ADAT1: variants seen among roughly 807,000 people sequenced by gnomAD.
The protein encoded by ADAT1 is adenosine deaminase tRNA specific 1.
ADAT1 carries 58 observed loss-of-function variants against 58.6 expected under a neutral mutation model. The observed-to-expected ratio is 0.99, with a 90% CI of 0.80 to 1.23. The LOEUF is 1.23. ADAT1 is among the 50% of genes most tolerant of loss of function. The pLI is 0.00. For missense variants in ADAT1, 741 were observed against 608.6 expected (o/e 1.22, Z -2.29); for synonymous variants, 254 against 220.8 (o/e 1.15, Z -1.33).
intron 6 of ADAT1, among the ~76,000 whole-genome samples, chr16:75,611,477 C>T (rs1224905047): frequency 1.3e-5 from 2 of 152,058 alleles, no homozygotes; most frequent in Non-Finnish European, 2.9e-5. Flanking sequence ...CCTCAATCTT[C>T]CCAGGGTCAG....
In ADAT1 at chr16:75,598,842, T is replaced by C; in HGVS notation, c.*1374A>G. The C allele has an allele frequency of 1.0e-6, 1 of 956,542 alleles. No homozygotes were observed. The highest frequency in any genetic ancestry group is 1.2e-6 in the Non-Finnish European group (1 of 804,080). 59.3% of individuals were successfully genotyped at this position (956,542 alleles called of 1,614,324 possible). Reference sequence around the variant, plus strand: ...CCTAAAAACTTTTAAAATGTATACTTTAGTTGGGTGAATTTTATGGTCTGT... The same window carrying C: ...CCTAAAAACTTTTAAAATGTATACTCTAGTTGGGTGAATTTTATGGTCTGT... On this transcript the variant is annotated 3_prime_UTR_variant, in exon 10 of 10. Transcript: ENST00000564657.
rs527761579 is a variant in ADAT1, at chr16:75,608,157, C to A, written c.1289+67G>T. The A allele has an allele frequency of 1.4e-4, 189 of 1,375,504 alleles. 1 individual carries two copies. In the South Asian group the frequency reaches 2.1e-3, roughly 15 times the overall value. 85.2% of individuals were successfully genotyped at this position (1,375,504 alleles called of 1,614,324 possible). On this transcript the variant is annotated intron_variant, in intron 8 of 9. Transcript: ENST00000564657. ...TTCTTTTTGGGGTAATAAAAATGTT[C>A]TAGAATTAGATAGTGGTAGAGTGTG...
intron 5 of ADAT1, among the ~76,000 whole-genome samples, chr16:75,614,002 C>T (rs1297617620): frequency 1.1e-4 from 17 of 151,970 alleles, no homozygotes; most frequent in African/African-American, 3.9e-4. Context: ...CCAGCCTGGC[C>T]AATATGGTGA....
At position 75,596,985 on chromosome 16, in the gene ADAT1, G is replaced by C. The variant is rs1356779602; in HGVS notation, c.*3231C>G. 6.6e-6 allele frequency: 1 copy of C among 152,382 alleles called. No individual in the cohort carries two copies. The highest frequency in any genetic ancestry group is 1.5e-5 in the Non-Finnish European group (1 of 68,204). The allele number at this position is 152,382 out of a possible 1,614,324, so 9.4% of individuals were successfully genotyped here. On this transcript the variant is annotated 3_prime_UTR_variant, in exon 10 of 10. Coordinates refer to ENST00000564657, the MANE Select transcript of ADAT1 (RefSeq NM_001324445.2). ...AGTCACAAAAGACCACATATTCTAT[G>C]ATTCCATTTATATGAAATGTTCAGA...
At chr16:75,609,031 G>C in intron 6 of ADAT1, 43 bp from the exon 7 acceptor site, 1 of 1,610,298 alleles carries the variant, frequency 6.2e-7, no homozygotes, top group Non-Finnish European at 8.5e-7. Flanking sequence ...TGCATGCCTA[G>C]AGAAAACAGT....
chr16:75,621,136 C>G (rs1431747354), intron 1 of ADAT1, among the ~76,000 whole-genome samples: 1 of 151,972 alleles, frequency 6.6e-6, no homozygotes, highest in Non-Finnish European at 1.5e-5. Flanking sequence ...AATGTCCTCA[C>G]TACTCCAGTT....
intron 5 of ADAT1, among the ~76,000 whole-genome samples, chr16:75,615,498 A>T (rs1052422772): frequency 0.02 from 2,996 of 146,986 alleles, 189 homozygotes; most frequent in African/African-American, 0.062. Flanking sequence ...AAAAAAAAAA[A>T]AAAAAAAAAA....
intron 4 of ADAT1, among the ~76,000 whole-genome samples, chr16:75,618,335 T>A (rs371053802): frequency 1.3e-5 from 2 of 151,720 alleles, no homozygotes; most frequent in African/African-American, 4.8e-5. Flanking sequence ...TGAAACCCCA[T>A]CTCTACTAAA....
intron 5 of ADAT1, among the ~76,000 whole-genome samples, chr16:75,615,496 A>T (rs1350908196): frequency 0.023 from 2,803 of 121,996 alleles, 190 homozygotes; most frequent in African/African-American, 0.067. Context: ...AAAAAAAAAA[A>T]AAAAAAAAAA....
rs143809931 is a variant in ADAT1, at chr16:75,602,942, T to C, written c.1376+143A>G. ...ATGCACGTATCTGCAAATAGGGCTATGGGGAAAGAAGAACTTGTGGTCAAC... is the reference window on the plus strand; with the variant it reads ...ATGCACGTATCTGCAAATAGGGCTACGGGGAAAGAAGAACTTGTGGTCAAC... On this transcript the variant is annotated intron_variant, in intron 9 of 9. Transcript: ENST00000564657. 1.4e-3 allele frequency: 966 copies of C among 712,520 alleles called. 5 individuals carry two copies. Among genetic ancestry groups the C allele is most frequent in the African/African-American group, 0.013 (757 of 56,460 alleles). The allele number at this position is 712,520 out of a possible 1,614,324, so 44.1% of individuals were successfully genotyped here.
intron 8 of ADAT1, among the ~76,000 whole-genome samples, chr16:75,605,937 CAAA>C (rs972557653): frequency 2.7e-5 from 2 of 75,038 alleles, no homozygotes; most frequent in Non-Finnish European, 2.5e-5. Flanking sequence ...AACTCTGTCT[CAAA>C]AAAAAAAAAA....
At chr16:75,621,240 T>A (rs2081922665) in intron 1 of ADAT1, among the ~76,000 whole-genome samples, 1 of 128,608 alleles carries the variant, frequency 7.8e-6, no homozygotes, top group Admixed American at 1.0e-4. Flanking sequence ...GATGTTCTTA[T>A]CTGTCTTCTT....
rs572681882 is a variant in ADAT1, at chr16:75,609,090, G to A, written c.1044-102C>T. Reference sequence around the variant, plus strand: ...TCACCCCTGAGCCTTAGCAGGTGTGGGGATTTGTTTATTTATTTGGGCAGA... The same window carrying A: ...TCACCCCTGAGCCTTAGCAGGTGTGAGGATTTGTTTATTTATTTGGGCAGA... On this transcript the variant is annotated intron_variant, in intron 6 of 9. Coordinates refer to ENST00000564657, the MANE Select transcript of ADAT1 (RefSeq NM_001324445.2). 5.8e-4 allele frequency: 799 copies of A among 1,371,040 alleles called. 3 individuals carry two copies. Among genetic ancestry groups the A allele is most frequent in the Non-Finnish European group, 7.0e-4 (692 of 994,818 alleles). 84.9% of individuals were successfully genotyped at this position (1,371,040 alleles called of 1,614,324 possible). A position where few individuals can be genotyped will look rare whatever the true frequency, so the allele number is the denominator to read the frequency against.
rs2081576245 is a variant in ADAT1, at chr16:75,612,537, C to A, written c.749G>T (p.Ser250Ile). The A allele has an allele frequency of 1.6e-5, 26 of 1,614,180 alleles. No homozygotes were observed. The highest frequency in any genetic ancestry group is 2.2e-5 in the Non-Finnish European group (26 of 1,180,040). ...TCTATAAACGTCTATCACTTTGGCA[C>A]TACCAGGGGCTATTCTGGTGACAGT... is the stretch of plus-strand genomic sequence containing the variant. ...LATVTRIAPG[S>I]AKVIDVYRTG... Residue 250 changes from serine to isoleucine, a missense_variant, in exon 6 of 10, where the codon AGT (serine) becomes ATT (isoleucine). Coordinates refer to ENST00000564657, the MANE Select transcript of ADAT1 (RefSeq NM_001324445.2).
At position 75,599,038 on chromosome 16, in the gene ADAT1, G is replaced by C. The variant is rs943698964; in HGVS notation, c.*1178C>G. 8.1e-6 allele frequency: 8 copies of C among 983,838 alleles called. No individual in the cohort carries two copies. The African/African-American group carries it at 1.2e-4, about 15-fold the overall frequency. 60.9% of individuals were successfully genotyped at this position (983,838 alleles called of 1,614,324 possible). On this transcript the variant is annotated 3_prime_UTR_variant, in exon 10 of 10. Coordinates refer to ENST00000564657, the MANE Select transcript of ADAT1 (RefSeq NM_001324445.2). ...GATGTTAAAACAGGATTGGCTGCTG[G>C]GTCTATTGCTGATTTGCTGCAGGGC...
intron 5 of ADAT1, 122 bp from the exon 6 acceptor site, chr16:75,612,983 G>A: frequency 8.1e-7 from 1 of 1,238,144 alleles, no homozygotes; most frequent in East Asian, 2.5e-5. Flanking sequence ...TAGACCTGCT[G>A]AATCAGAAAC....
intron 6 of ADAT1, 151 bp from the exon 7 acceptor site, chr16:75,609,139 AT>A: frequency 1.1e-6 from 1 of 908,818 alleles, no homozygotes; most frequent in Non-Finnish European, 1.6e-6. Context: ...TAGAATCAAG[AT>A]TGTAAGCACC....
Position 75,612,268 on chromosome 16 carries a change from C to G in ADAT1, c.1018G>C (p.Ala340Pro). The stretch of plus-strand genomic sequence containing the variant: ...CTTCCAATCAGTGCTCTCTGCATGG[C>G]TTCCTGGCTGTATGGGCACTTCCCA... ...VIGKCPYSQE[A>P]MQRALIGRCQ... Residue 340 changes from alanine (A) to proline (P), a missense_variant, in exon 6 of 10, where the codon GCC becomes CCC. Physicochemically the swap from Ala to Pro is conservative, Grantham distance 27. Transcript: ENST00000564657. 12 of 1,614,140 alleles carry G rather than the reference C, an allele frequency of 7.4e-6. No homozygotes were observed. Among genetic ancestry groups the G allele is most frequent in the Non-Finnish European group, 1.0e-5 (12 of 1,180,000 alleles).
intron 1 of ADAT1, 78 bp from the exon 2 acceptor site, chr16:75,620,898 T>A (rs1238576343): frequency 7.9e-7 from 1 of 1,264,230 alleles, no homozygotes; most frequent in Non-Finnish European, 1.1e-6. Context: ...ATATCCATGC[T>A]TCGAGTCTTT....
Sources: gnomAD v4.1 joint callset for allele counts (sites outside exome capture counted in the v4.1 genomes callset) on GRCh38, gnomAD v4.1.1 for gene constraint, MANE v1.5 for transcripts, NCBI Gene and HGNC (gene_info 2026-07-23, HGNC 2026-07-21) for gene names.